SLC25A53: variants seen among roughly 807,000 people sequenced by gnomAD.
The protein encoded by SLC25A53 is mitochondrial carrier triple repeat protein 6.
In SLC25A53, 5 loss-of-function variants were observed where a neutral mutation model predicts 15.0. That is an observed-to-expected ratio of 0.33 (90% CI 0.17 to 0.70). SLC25A53 has a LOEUF of 0.70. Among genes scored for constraint, SLC25A53 ranks in the 30% least tolerant of loss-of-function variants. The pLI, the probability that SLC25A53 is intolerant of heterozygous loss-of-function variation, is 0.67. For synonymous variants in SLC25A53, 95 were observed against 100.0 expected, an observed-to-expected ratio of 0.95 and a Z score of 0.30; for missense variants, 216 against 241.6, an observed-to-expected ratio of 0.89 and a Z score of 0.70.
chrX:104,105,143 A>T lies in SLC25A53; in HGVS notation c.115T>A (p.Phe39Ile). ...GGAAAGGTCAGAAAAGTAGACATAA[A>T]GTTGGAAACGGCCCCAAGGGCATAG... ...QAYALGAVSN[F>I]MSTFLTFPIY... Residue 39 changes from phenylalanine to isoleucine, a missense_variant, in exon 2 of 2, where the codon TTT (phenylalanine) becomes ATT (isoleucine). Transcript: ENST00000594199. 1 of 1,212,213 alleles carries T rather than the reference A, an allele frequency of 8.2e-7. No homozygotes were observed. Among genetic ancestry groups the T allele is most frequent in the Non-Finnish European group, 1.1e-6 (1 of 895,596 alleles).
chrX:104,109,266 C>T (rs1216519180), intron 1 of SLC25A53, among the ~76,000 whole-genome samples: 4 of 111,511 alleles, frequency 3.6e-5, no homozygotes, highest in African/African-American at 9.8e-5. Flanking sequence ...TTGTCTTCTC[C>T]GCTGCATTGT....
At chrX:104,112,275 G>C (rs1467832972) in intron 1 of SLC25A53, 6 of 113,074 alleles carry the variant, frequency 5.3e-5, no homozygotes, top group Non-Finnish European at 1.1e-4. Flanking sequence ...AGGTGTAAGG[G>C]GATAGGGAGA....
chrX:104,150,783 G>A (rs782600866), intron 1 of SLC25A53, among the ~76,000 whole-genome samples: 21 of 111,357 alleles, frequency 1.9e-4, no homozygotes, highest in Admixed American at 1.3e-3. Context: ...TTCAAATCCC[G>A]TAATAAGTCC....
chrX:104,139,703 A>G, intron 1 of SLC25A53, among the ~76,000 whole-genome samples: 1 of 111,610 alleles, frequency 9.0e-6, no homozygotes, highest in Non-Finnish European at 1.9e-5. Flanking sequence ...ACTCCCAGCT[A>G]CTAGGGAGAC....
At chrX:104,130,879 A>G (rs782561828) in intron 1 of SLC25A53, 1 of 111,893 alleles carries the variant, frequency 8.9e-6, no homozygotes, top group East Asian at 2.8e-4. Flanking sequence ...TTCAGTGCCC[A>G]ATGTTCCAGT....
intron 1 of SLC25A53, chrX:104,114,923 C>T (rs2075369918): frequency 3.3e-6 from 4 of 1,197,622 alleles, no homozygotes; most frequent in Admixed American, 4.5e-5. Context: ...ATAGATGATA[C>T]CCTTGATGAC....
At chrX:104,144,903 G>A (rs1045967142) in intron 1 of SLC25A53, among the ~76,000 whole-genome samples, 1 of 111,325 alleles carries the variant, frequency 9.0e-6, no homozygotes, top group South Asian at 3.8e-4. Context: ...TTAGATCAAC[G>A]AGACAGAAAA....
intron 1 of SLC25A53, among the ~76,000 whole-genome samples, chrX:104,142,543 C>G (rs1280190145): frequency 9.0e-6 from 1 of 111,284 alleles, no homozygotes; most frequent in Non-Finnish European, 1.9e-5. Context: ...AGATAATTGG[C>G]TGAAAATGAT....
At chrX:104,141,136 A>G (rs7881822) in intron 1 of SLC25A53, among the ~76,000 whole-genome samples, 4,289 of 111,730 alleles carry the variant, frequency 0.038, 174 homozygotes, top group African/African-American at 0.13. Context: ...AAAAGCTTGC[A>G]GCGATCTAAG....
chrX:104,129,451 T>C (rs1232378819), intron 1 of SLC25A53, among the ~76,000 whole-genome samples: 3 of 110,900 alleles, frequency 2.7e-5, no homozygotes, highest in African/African-American at 9.8e-5. Context: ...AGCACTATGA[T>C]TGGGGGACAT....
At chrX:104,150,909 T>C (rs1238025496) in intron 1 of SLC25A53, among the ~76,000 whole-genome samples, 1 of 111,383 alleles carries the variant, frequency 9.0e-6, no homozygotes, top group East Asian at 2.8e-4. Flanking sequence ...TTCCTGGTGG[T>C]CTTGGGCTAG....
At chrX:104,150,129 A>G (rs939336054) in intron 1 of SLC25A53, among the ~76,000 whole-genome samples, 9 of 107,949 alleles carry the variant, frequency 8.3e-5, no homozygotes, top group African/African-American at 2.7e-4. Context: ...GCTACTTGGG[A>G]GGCTGAGGCA....
At chrX:104,126,964 T>G (rs782330113) in intron 1 of SLC25A53, among the ~76,000 whole-genome samples, 5 of 112,590 alleles carry the variant, frequency 4.4e-5, no homozygotes, top group African/African-American at 1.3e-4. Flanking sequence ...AGACTAAACA[T>G]GTACTTATCA....
intron 1 of SLC25A53, among the ~76,000 whole-genome samples, chrX:104,145,792 G>C (rs2075464694): frequency 8.9e-6 from 1 of 111,764 alleles, no homozygotes; most frequent in Non-Finnish European, 1.9e-5. Context: ...ACCAATAACA[G>C]GTTCTGAAAT....
At chrX:104,138,641 G>C (rs981037398) in intron 1 of SLC25A53, among the ~76,000 whole-genome samples, 2 of 112,488 alleles carry the variant, frequency 1.8e-5, no homozygotes, top group South Asian at 7.3e-4. Context: ...GTGTACTGGA[G>C]GAATCAGATC....
At chrX:104,112,765 G>A (rs2075354623) in intron 1 of SLC25A53, 1 of 112,798 alleles carries the variant, frequency 8.9e-6, no homozygotes, top group Admixed American at 9.3e-5. Flanking sequence ...CAGAGCTGTG[G>A]ACGCGGGAGC....
chrX:104,114,677 G>A lies in SLC25A53; in HGVS notation c.-31-9389C>T, dbSNP rs782454647. On this transcript the variant is annotated intron_variant, in intron 1 of 1. Transcript: ENST00000594199. ...GGCGCTGAGCTGAATAGGGACCTGC[G>A]CTTCAGGCTTAAGCATCTTCTCAGG... The A allele has an allele frequency of 2.1e-4, 258 of 1,210,273 alleles. No individual in the cohort carries two copies. The highest frequency in any genetic ancestry group is 4.6e-4 in the Middle Eastern group (2 of 4,375).
At chrX:104,145,160 C>T (rs1218601564) in intron 1 of SLC25A53, among the ~76,000 whole-genome samples, 1 of 112,113 alleles carries the variant, frequency 8.9e-6, no homozygotes, top group Non-Finnish European at 1.9e-5. Flanking sequence ...AAGAAACTCA[C>T]TCAAAACCAC....
In SLC25A53 at chrX:104,102,267, G is replaced by A. The variant is rs782237001; in HGVS notation, c.*2067C>T. ...TTTGGTTCAGTAAGGAGATGCAAGA[G>A]GAGGGCATTACTAAGATATCTGTAG... is the stretch of plus-strand genomic sequence containing the variant. On this transcript the variant is annotated 3_prime_UTR_variant, in exon 2 of 2. Coordinates refer to ENST00000594199, the MANE Select transcript of SLC25A53 (RefSeq NM_001012755.5). The A allele has an allele frequency of 1.8e-5, 2 of 112,294 alleles. No individual in the cohort carries two copies. The highest frequency in any genetic ancestry group is 6.5e-5 in the African/African-American group (2 of 30,942). The allele number at this position is 112,294 out of a possible 1,213,427, so 9.3% of individuals were successfully genotyped here.
Sources: gnomAD v4.1 joint callset for allele counts (sites outside exome capture counted in the v4.1 genomes callset) on GRCh38, gnomAD v4.1.1 for gene constraint, MANE v1.5 for transcripts, NCBI Gene and HGNC (gene_info 2026-07-23, HGNC 2026-07-21) for gene names.